The following PM20D2 variants were observed in gnomAD, a reference collection of about 807,000 sequenced individuals.
The protein encoded by PM20D2 is xaa-Arg dipeptidase.
PM20D2 carries 33 observed loss-of-function variants against 42.9 expected under a neutral mutation model. That is an observed-to-expected ratio of 0.77 (90% CI 0.58 to 1.03). The LOEUF (loss-of-function observed/expected upper bound fraction) is 1.03. Among genes scored for constraint, PM20D2 ranks in the 50% least tolerant of loss-of-function variants. The pLI is 0.00. For missense variants in PM20D2, 548 were observed against 557.0 expected (o/e 0.98, Z 0.16); for synonymous variants, 250 against 228.2 (o/e 1.10, Z -0.86).
chr6:89,097,412 T>C, the PM20D2 span: 1 of 152,132 alleles, frequency 6.6e-6, no homozygotes, highest in Non-Finnish European at 1.5e-5. Context: ...ACAAAAGCAA[T>C]AAATATCAAT....
chr6:89,116,150 A>G, the PM20D2 span, among the ~76,000 whole-genome samples: 2 of 152,100 alleles, frequency 1.3e-5, no homozygotes, highest in Non-Finnish European at 2.9e-5. Flanking sequence ...TTTCTATTTG[A>G]TAGTCCACAC....
chr6:89,118,007 C>T, the PM20D2 span: 8 of 1,078,954 alleles, frequency 7.4e-6, no homozygotes, highest in East Asian at 2.9e-4. Flanking sequence ...CACCCCTCGG[C>T]CTCAGCCCCG....
the PM20D2 span, among the ~76,000 whole-genome samples, chr6:89,107,678 G>A: frequency 6.6e-6 from 1 of 152,086 alleles, no homozygotes; most frequent in Non-Finnish European, 1.5e-5. Flanking sequence ...TGAGGCTGCA[G>A]TGAGCCAAGA....
chr6:89,141,253 G>A (rs73754858), upstream of PM20D2, among the ~76,000 whole-genome samples: 2,319 of 152,212 alleles, frequency 0.015, 57 homozygotes, highest in African/African-American at 0.051. Flanking sequence ...TTTCTCTGGA[G>A]CACCTTCTTC....
chr6:89,149,234 GTT>G, intron 1 of PM20D2, 29 bp from the exon 2 acceptor site: 1 of 1,606,358 alleles, frequency 6.2e-7, no homozygotes, highest in Non-Finnish European at 8.5e-7. Flanking sequence ...GGATTTTGTT[GTT>G]TTTCCCTGAC....
the PM20D2 span, chr6:89,105,057 A>G: frequency 6.7e-7 from 1 of 1,484,148 alleles, no homozygotes; most frequent in African/African-American, 1.4e-5. Context: ...CCCTATCAAA[A>G]AAATATATAT....
the PM20D2 span, chr6:89,106,958 T>C: frequency 3.2e-6 from 2 of 630,026 alleles, no homozygotes; most frequent in Non-Finnish European, 5.9e-6. Flanking sequence ...GGTTTATGCT[T>C]GGATTCTAGC....
the PM20D2 span, among the ~76,000 whole-genome samples, chr6:89,114,836 G>A: frequency 6.6e-6 from 1 of 151,996 alleles, no homozygotes; most frequent in Non-Finnish European, 1.5e-5. Context: ...TCGCCCTGTC[G>A]CCCAGGCTGG....
chr6:89,108,754 G>C, the PM20D2 span, among the ~76,000 whole-genome samples: 1 of 152,196 alleles, frequency 6.6e-6, no homozygotes. Flanking sequence ...ACACTGATAA[G>C]AGTTCTATAA....
At chr6:89,117,329 G>C in the PM20D2 span, among the ~76,000 whole-genome samples, 1 of 152,204 alleles carries the variant, frequency 6.6e-6, no homozygotes, top group Non-Finnish European at 1.5e-5. Flanking sequence ...CAGAACTGGG[G>C]GAAAGAAACT....
chr6:89,124,173 A>G, the PM20D2 span, among the ~76,000 whole-genome samples: 1 of 152,190 alleles, frequency 6.6e-6, no homozygotes, highest in Admixed American at 6.5e-5. Context: ...TACTGGCACA[A>G]AACTAAAACT....
chr6:89,117,045 C>T, the PM20D2 span, among the ~76,000 whole-genome samples: 1 of 152,022 alleles, frequency 6.6e-6, no homozygotes, highest in African/African-American at 2.4e-5. Flanking sequence ...CCCCCCGCCC[C>T]CAATTTCTTC....
upstream of PM20D2, among the ~76,000 whole-genome samples, chr6:89,144,430 A>T (rs1770451966): frequency 6.6e-6 from 1 of 152,168 alleles, no homozygotes; most frequent in Non-Finnish European, 1.5e-5. Flanking sequence ...GATAAACTGG[A>T]GATGCATTTA....
At chr6:89,132,289 C>T in the PM20D2 span, among the ~76,000 whole-genome samples, 1 of 151,634 alleles carries the variant, frequency 6.6e-6, no homozygotes, top group South Asian at 2.1e-4. Context: ...GGGCCGTTCC[C>T]TTCCCTCCAC....
At chr6:89,110,616 G>T in the PM20D2 span, among the ~76,000 whole-genome samples, 2 of 152,144 alleles carry the variant, frequency 1.3e-5, no homozygotes. Flanking sequence ...TGTTACTTGG[G>T]TGTAGAGAGG....
At chr6:89,096,200 C>T in the PM20D2 span, 1 of 152,148 alleles carries the variant, frequency 6.6e-6, no homozygotes, top group African/African-American at 2.4e-5. Context: ...AAAGCATATA[C>T]CTGTCAAAGA....
At chr6:89,149,525 A>G in intron 2 of PM20D2, 112 bp downstream of exon 2, 1 of 1,300,960 alleles carries the variant, frequency 7.7e-7, no homozygotes, top group Non-Finnish European at 1.0e-6. Context: ...AAGTAAATTG[A>G]AAGACAATAA....
the PM20D2 span, among the ~76,000 whole-genome samples, chr6:89,120,164 T>G: frequency 6.6e-6 from 1 of 152,164 alleles, no homozygotes; most frequent in Non-Finnish European, 1.5e-5. Context: ...TCTAGGTCCC[T>G]CCCACAATAC....
the PM20D2 span, among the ~76,000 whole-genome samples, chr6:89,107,647 C>T: frequency 9.9e-5 from 15 of 152,048 alleles, no homozygotes; most frequent in African/African-American, 3.4e-4. Flanking sequence ...GGGAGAATCA[C>T]CTGAGTGAGC....
Sources: allele counts gnomAD v4.1 joint callset (sites outside exome capture counted in the v4.1 genomes callset), GRCh38; gene constraint gnomAD v4.1.1; transcripts MANE v1.5; gene names NCBI Gene and HGNC (gene_info 2026-07-23, HGNC 2026-07-21).